DPP6: variants seen among roughly 807,000 people sequenced by gnomAD.
DPP6 encodes A-type potassium channel modulatory protein DPP6.
In DPP6, 69 loss-of-function variants were observed where a neutral mutation model predicts 122.6. The ratio of observed to expected loss-of-function variants is 0.56; its 90% CI spans 0.46 to 0.69. The LOEUF is 0.69. DPP6 is among the 30% of genes least tolerant of loss of function. The pLI is 0.00. For synonymous variants in DPP6, 418 were observed against 433.1 expected, an observed-to-expected ratio of 0.97 and a Z score of 0.43; for missense variants, 928 against 1,116.9, an observed-to-expected ratio of 0.83 and a Z score of 2.41.
chr7:154,125,008 G>A (rs894164419), intron 1 of DPP6, among the ~76,000 whole-genome samples: 6 of 152,232 alleles, frequency 3.9e-5, no homozygotes, highest in African/African-American at 9.6e-5. Context: ...TGTGTGTGGT[G>A]AGTTGGAGGA....
At chr7:154,321,515 G>A (rs530400239) in intron 1 of DPP6, among the ~76,000 whole-genome samples, 14 of 151,988 alleles carry the variant, frequency 9.2e-5, no homozygotes, top group East Asian at 3.9e-4. Flanking sequence ...AGGCGCGGTC[G>A]CTCACGTCTG....
At chr7:154,789,778 C>G (rs919168284) in intron 10 of DPP6, among the ~76,000 whole-genome samples, 4 of 152,242 alleles carry the variant, frequency 2.6e-5, no homozygotes, top group African/African-American at 9.6e-5. Context: ...TCCCTTTGTC[C>G]AAAGCGTCGC....
At chr7:154,158,469 T>TA (rs71520167) in intron 1 of DPP6, among the ~76,000 whole-genome samples, 89,717 of 149,176 alleles carry the variant, frequency 0.6, 29,847 homozygotes, top group East Asian at 0.91. Flanking sequence ...TTCCTTTTTT[T>TA]AAAAAAAAAA....
At chr7:154,108,451 T>A (rs1220986493) in intron 1 of DPP6, among the ~76,000 whole-genome samples, 1 of 152,072 alleles carries the variant, frequency 6.6e-6, no homozygotes, top group Non-Finnish European at 1.5e-5. Flanking sequence ...AGGGGAGAAA[T>A]GTGACTTTAT....
At chr7:154,266,019 A>G (rs1803396283) in intron 1 of DPP6, among the ~76,000 whole-genome samples, 2 of 152,202 alleles carry the variant, frequency 1.3e-5, no homozygotes, top group Non-Finnish European at 2.9e-5. Context: ...GAGACATTGT[A>G]GACTCATCCC....
chr7:154,825,018 T>C (rs1349191669), intron 16 of DPP6, among the ~76,000 whole-genome samples: 1 of 152,236 alleles, frequency 6.6e-6, no homozygotes, highest in Non-Finnish European at 1.5e-5. Flanking sequence ...AAAAATATGA[T>C]TTTTAAATGT....
chr7:153,797,831 ATCT>A, the DPP6 span, among the ~76,000 whole-genome samples: 1,956 of 152,034 alleles, frequency 0.013, 33 homozygotes, highest in African/African-American at 0.04. Flanking sequence ...GTGTCCCTCC[ATCT>A]TCTTCTTCTT....
At chr7:154,331,783 C>A (rs977753758) in intron 1 of DPP6, among the ~76,000 whole-genome samples, 7 of 152,122 alleles carry the variant, frequency 4.6e-5, no homozygotes, top group Non-Finnish European at 7.3e-5. Flanking sequence ...TAATAGCCTG[C>A]CAAAGAATAC....
chr7:154,625,215 G>A (rs534172788), intron 5 of DPP6, among the ~76,000 whole-genome samples: 1 of 152,210 alleles, frequency 6.6e-6, no homozygotes, highest in Non-Finnish European at 1.5e-5. Context: ...CTGATGAAAA[G>A]TTAAGGATGG....
At chr7:154,517,532 G>A (rs1349646101) in intron 3 of DPP6, among the ~76,000 whole-genome samples, 1 of 152,116 alleles carries the variant, frequency 6.6e-6, no homozygotes, top group Non-Finnish European at 1.5e-5. Context: ...GTAGGCCTGT[G>A]TATGTGAGTA....
chr7:154,442,157 C>T (rs1819431785), intron 1 of DPP6, among the ~76,000 whole-genome samples: 1 of 152,184 alleles, frequency 6.6e-6, no homozygotes, highest in African/African-American at 2.4e-5. Context: ...CATTCATCCA[C>T]TCAACACAGT....
At chr7:154,117,089 T>TA (rs1807043685) in intron 1 of DPP6, among the ~76,000 whole-genome samples, 2 of 152,074 alleles carry the variant, frequency 1.3e-5, no homozygotes, top group South Asian at 4.2e-4. Flanking sequence ...ATTTCTTGCT[T>TA]AGACTATCAG....
Position 154,130,135 on chromosome 7 carries a change from C to T in DPP6, c.243+77072C>T, listed in dbSNP as rs370873217. The stretch of plus-strand genomic sequence containing the variant: ...GGAAAGAAAAAAAGAAAAGAAAACA[C>T]AGACAAATTCAAAGAGGACATGGAA... On this transcript the variant is annotated intron_variant, in intron 1 of 25. Transcript: ENST00000377770. Among the ~76,000 whole-genome samples the T allele has an allele frequency of 4.8e-3, 725 of 151,982 alleles. 5 individuals are homozygous for T. The highest frequency in any genetic ancestry group is 0.017 in the African/African-American group (693 of 41,464).
intron 6 of DPP6, among the ~76,000 whole-genome samples, chr7:154,646,838 G>A (rs981025136): frequency 1.9e-4 from 29 of 152,144 alleles, no homozygotes; most frequent in African/African-American, 6.8e-4. Flanking sequence ...CCAGGTGCAG[G>A]TCTCAGATAA....
chr7:154,190,721 AT>A (rs201158540), intron 1 of DPP6, among the ~76,000 whole-genome samples: 1 of 151,536 alleles, frequency 6.6e-6, no homozygotes, highest in Admixed American at 6.6e-5. Flanking sequence ...AATAGAGTCC[AT>A]TTTTTTTCCA....
intron 3 of DPP6, among the ~76,000 whole-genome samples, chr7:154,519,067 G>C (rs2129936813): frequency 6.6e-6 from 1 of 152,302 alleles, no homozygotes; most frequent in South Asian, 2.1e-4. Flanking sequence ...CCCACTCGGA[G>C]CTTAGAGTGA....
chr7:154,280,756 G>A (rs773569595), intron 1 of DPP6, among the ~76,000 whole-genome samples: 4 of 151,906 alleles, frequency 2.6e-5, no homozygotes, highest in Admixed American at 6.6e-5. Flanking sequence ...TACCAATAAC[G>A]CAGTGTAAGA....
chr7:153,871,237 C>G, the DPP6 span, among the ~76,000 whole-genome samples: 1 of 152,216 alleles, frequency 6.6e-6, no homozygotes, highest in Admixed American at 6.5e-5. Flanking sequence ...TGTCTGTGCC[C>G]TGCCCCCAGA....
At chr7:154,222,318 C>T (rs951183073) in intron 1 of DPP6, among the ~76,000 whole-genome samples, 3 of 152,162 alleles carry the variant, frequency 2.0e-5, no homozygotes, top group African/African-American at 7.2e-5. Flanking sequence ...TTCCTCAGGT[C>T]CTAACAGTTG....
Sources: gnomAD v4.1 joint callset for allele counts (sites outside exome capture counted in the v4.1 genomes callset) on GRCh38, gnomAD v4.1.1 for gene constraint, MANE v1.5 for transcripts, NCBI Gene and HGNC (gene_info 2026-07-23, HGNC 2026-07-21) for gene names.